Variants in EEPD1 observed in about 807,000 individuals in gnomAD.
EEPD1 encodes endonuclease/exonuclease/phosphatase family domain-containing protein 1.
In EEPD1, 17 loss-of-function variants were observed where a neutral mutation model predicts 46.3. The ratio of observed to expected loss-of-function variants is 0.37; its 90% CI spans 0.25 to 0.55. EEPD1 has a LOEUF of 0.55. Among genes scored for constraint, EEPD1 ranks in the 20% least tolerant of loss-of-function variants. EEPD1 has a pLI of 0.83. For missense variants in EEPD1, 673 were observed against 745.6 expected (o/e 0.90, Z 1.13); for synonymous variants, 313 against 315.6 (o/e 0.99, Z 0.09).
intron 6 of EEPD1, among the ~76,000 whole-genome samples, chr7:36,294,234 C>T (rs1209813955): frequency 6.6e-6 from 1 of 151,820 alleles, no homozygotes; most frequent in Non-Finnish European, 1.5e-5. Flanking sequence ...ATGAAAATTT[C>T]AATATCATGA....
At chr7:36,214,043 G>A (rs748587528) in intron 2 of EEPD1, among the ~76,000 whole-genome samples, 8 of 152,134 alleles carry the variant, frequency 5.3e-5, no homozygotes, top group Non-Finnish European at 1.2e-4. Context: ...GTTTCAAGGA[G>A]ACAGCAGACA....
At chr7:36,269,352 C>T (rs1008716191) in intron 3 of EEPD1, among the ~76,000 whole-genome samples, 3 of 152,032 alleles carry the variant, frequency 2.0e-5, no homozygotes, top group African/African-American at 7.2e-5. Context: ...TGTCAGTCAG[C>T]GATTTAAAAA....
chr7:36,185,986 A>G (rs999832998), intron 2 of EEPD1, among the ~76,000 whole-genome samples: 18 of 152,092 alleles, frequency 1.2e-4, no homozygotes, highest in Admixed American at 6.5e-4. Context: ...TTCATCTACT[A>G]TGTCGACATA....
intron 2 of EEPD1, among the ~76,000 whole-genome samples, chr7:36,204,147 A>G (rs1448874228): frequency 4.0e-5 from 6 of 150,404 alleles, no homozygotes; most frequent in African/African-American, 1.2e-4. Flanking sequence ...TTATCCTCCC[A>G]TCTCAGCCCT....
intron 2 of EEPD1, among the ~76,000 whole-genome samples, chr7:36,183,888 T>TTTTTTTTTTTG (rs3053348): frequency 3.0e-5 from 4 of 135,488 alleles, no homozygotes; most frequent in Admixed American, 7.6e-5. Context: ...TTTTTTTTTT[T>TTTTTTTTTTTG]ATTTTTAAAA....
rs888162114 is a variant in EEPD1 at position 36,284,007 on chromosome 7, A to G, written c.1042-679A>G. Among the ~76,000 whole-genome samples the G allele has an allele frequency of 9.9e-5, 15 of 152,214 alleles. No homozygotes were observed. In the East Asian group the frequency reaches 1.2e-3, roughly 12 times the overall value. Reference sequence around the variant, plus strand: ...CCCAGTGGCGGCGGCAGCAGCGCAAAGCAGGCATATTCAGAGCAGCAGGGT... The same window carrying G: ...CCCAGTGGCGGCGGCAGCAGCGCAAGGCAGGCATATTCAGAGCAGCAGGGT... On this transcript the variant is annotated intron_variant, in intron 4 of 7. Transcript: ENST00000242108.
chr7:36,202,687 C>T (rs1486300527), intron 2 of EEPD1, among the ~76,000 whole-genome samples: 1 of 152,160 alleles, frequency 6.6e-6, no homozygotes, highest in Admixed American at 6.5e-5. Flanking sequence ...CCGTGAGAAC[C>T]AAGCCATGTG....
At chr7:36,268,980 A>G (rs196575) in intron 3 of EEPD1, among the ~76,000 whole-genome samples, 104,964 of 152,072 alleles carry the variant, frequency 0.69, 36,887 homozygotes, top group Non-Finnish European at 0.76. Flanking sequence ...ATAATGAGTG[A>G]ACTTAAGCAT....
At chr7:36,198,342 GAAAAAAA>G (rs1361024411) in intron 2 of EEPD1, among the ~76,000 whole-genome samples, 1 of 33,102 alleles carries the variant, frequency 3.0e-5, no homozygotes, top group African/African-American at 1.2e-4. Flanking sequence ...AAAAAGAAAA[GAAAAAAA>G]AAAAAAAAAG....
intron 7 of EEPD1, among the ~76,000 whole-genome samples, chr7:36,297,792 CCT>C (rs953729218): frequency 1.3e-5 from 2 of 152,096 alleles, no homozygotes; most frequent in Non-Finnish European, 2.9e-5. Flanking sequence ...GTGATTTCAC[CCT>C]CTCTGCAGAC....
At chr7:36,244,871 C>T (rs1041258007) in intron 3 of EEPD1, among the ~76,000 whole-genome samples, 2 of 147,420 alleles carry the variant, frequency 1.4e-5, no homozygotes, top group Non-Finnish European at 1.5e-5. Flanking sequence ...ATCCTGAGTT[C>T]GAGCAATTCT....
chr7:36,296,000 C>T (rs547046623), intron 6 of EEPD1, among the ~76,000 whole-genome samples: 1 of 132,348 alleles, frequency 7.6e-6, no homozygotes, highest in Admixed American at 9.1e-5. Context: ...CACTGCACTC[C>T]AGCCCGGCCA....
chr7:36,224,202 C>CT (rs1359450131), intron 2 of EEPD1, among the ~76,000 whole-genome samples: 3 of 152,202 alleles, frequency 2.0e-5, no homozygotes, highest in Non-Finnish European at 4.4e-5. Flanking sequence ...GTTTCCTAGT[C>CT]TTTGGTCAGC....
chr7:36,234,546 C>T (rs1786395399), intron 2 of EEPD1, among the ~76,000 whole-genome samples: 3 of 151,884 alleles, frequency 2.0e-5, no homozygotes, highest in Non-Finnish European at 4.4e-5. Context: ...GTGGCGTGCG[C>T]CTGCAGTCCG....
chr7:36,210,973 G>T (rs577459168), intron 2 of EEPD1, among the ~76,000 whole-genome samples: 1 of 152,312 alleles, frequency 6.6e-6, no homozygotes, highest in African/African-American at 2.4e-5. Flanking sequence ...ACTGCTGTGT[G>T]CCCATCTAGG....
intron 2 of EEPD1, among the ~76,000 whole-genome samples, chr7:36,162,969 G>A (rs148941133): frequency 1.3e-5 from 2 of 152,172 alleles, no homozygotes; most frequent in Non-Finnish European, 2.9e-5. Context: ...CTAGTACTTT[G>A]TCTTTTTCAG....
chr7:36,239,591 A>C (rs958115321), intron 3 of EEPD1, among the ~76,000 whole-genome samples: 8 of 152,146 alleles, frequency 5.3e-5, no homozygotes, highest in Non-Finnish European at 1.2e-4. Flanking sequence ...GGATTGAGAA[A>C]CTGCCTCTCT....
Position 36,215,863 on chromosome 7 carries a change from A to G in EEPD1, c.879-23122A>G, listed in dbSNP as rs139760329. ...AGACTGCAGGCATGTGTCCAATACA[A>G]CTAAATTCTTTTACATTTTGTACAC... On this transcript the variant is annotated intron_variant, in intron 2 of 7. Transcript: ENST00000242108. Among the ~76,000 whole-genome samples, 10 of 152,204 alleles carry G rather than the reference A, an allele frequency of 6.6e-5. No homozygotes were observed. In the East Asian group the frequency reaches 1.9e-3, roughly 29 times the overall value.
intron 3 of EEPD1, among the ~76,000 whole-genome samples, chr7:36,250,393 G>A (rs1261013345): frequency 6.6e-6 from 1 of 152,164 alleles, no homozygotes; most frequent in Non-Finnish European, 1.5e-5. Context: ...TAGAAGGGTG[G>A]ATGGTGCATG....
Sources: allele counts gnomAD v4.1 joint callset (sites outside exome capture counted in the v4.1 genomes callset), GRCh38; gene constraint gnomAD v4.1.1; transcripts MANE v1.5; gene names NCBI Gene and HGNC (gene_info 2026-07-23, HGNC 2026-07-21).